MTERF3: variants seen among roughly 807,000 people sequenced by gnomAD.
The protein encoded by MTERF3 is mitochondrial transcription termination factor 3.
In MTERF3, 40 loss-of-function variants were observed where a neutral mutation model predicts 40.5. That is an observed-to-expected ratio of 0.99 (90% confidence interval 0.77 to 1.29). The LOEUF (loss-of-function observed/expected upper bound fraction) is 1.29, where lower values mean the gene tolerates loss of function less well. Among genes scored for constraint, MTERF3 ranks in the 50% most tolerant of loss-of-function variants. The probability of loss-of-function intolerance (pLI) is 0.00; values close to 1 mark genes in which losing one functional copy is unlikely to be tolerated. For missense variants in MTERF3, 452 were observed against 478.2 expected (o/e 0.95, Z 0.51); for synonymous variants, 158 against 166.6 (o/e 0.95, Z 0.40).
At chr8:96,249,701 A>C (rs1810088495) in intron 4 of MTERF3, among the ~76,000 whole-genome samples, 1 of 152,220 alleles carries the variant, frequency 6.6e-6, no homozygotes, top group Non-Finnish European at 1.5e-5. Flanking sequence ...GAGGGTCATG[A>C]CTAGAGGCAG....
chr8:96,250,688 AGGAGGAGGGG>A (rs1810159641), intron 4 of MTERF3, among the ~76,000 whole-genome samples: 2 of 28,726 alleles, frequency 7.0e-5, no homozygotes, highest in African/African-American at 3.4e-4. Flanking sequence ...AAGAAGGAGG[AGGAGGAGGGG>A]GGGAGGGGGA....
intron 5 of MTERF3, 100 bp from the exon 6 acceptor site, chr8:96,246,031 T>A: frequency 9.0e-7 from 1 of 1,106,460 alleles, no homozygotes; most frequent in South Asian, 1.5e-5. Flanking sequence ...AAACTTAAAA[T>A]ATGACCCAAT....
chr8:96,240,631 A>C (rs548227333), intron 7 of MTERF3, among the ~76,000 whole-genome samples: 1 of 152,312 alleles, frequency 6.6e-6, no homozygotes, highest in Admixed American at 6.5e-5. Flanking sequence ...ACAGCCAGCT[A>C]CAGAAAGAAG....
chr8:96,257,773 T>C (rs1810307125), intron 2 of MTERF3, among the ~76,000 whole-genome samples: 2 of 152,198 alleles, frequency 1.3e-5, no homozygotes, highest in South Asian at 4.1e-4. Context: ...TCATTAACTA[T>C]CCTTTCTCAT....
At chr8:96,240,103 C>CCAGG in intron 7 of MTERF3, among the ~76,000 whole-genome samples, 2 of 152,170 alleles carry the variant, frequency 1.3e-5, no homozygotes, top group Non-Finnish European at 2.9e-5. Flanking sequence ...CAAAAATTAG[C>CCAGG]TGGGCGTGGT....
intron 7 of MTERF3, among the ~76,000 whole-genome samples, chr8:96,243,485 T>C (rs1253995725): frequency 2.6e-5 from 4 of 152,202 alleles, no homozygotes; most frequent in African/African-American, 7.2e-5. Flanking sequence ...AGGTAAAGAA[T>C]ATGGAAGCTT....
intron 2 of MTERF3, chr8:96,258,079 C>A (rs999796040): frequency 8.3e-6 from 2 of 239,982 alleles, no homozygotes; most frequent in African/African-American, 4.7e-5. Context: ...CTAATTACCA[C>A]TAGAAGAATT....
intron 3 of MTERF3, among the ~76,000 whole-genome samples, chr8:96,254,062 G>A (rs1810237701): frequency 1.3e-5 from 2 of 152,138 alleles, no homozygotes; most frequent in South Asian, 2.1e-4. Context: ...ATCATCCATA[G>A]CACCTGCCAT....
chr8:96,246,592 C>T, intron 4 of MTERF3, 138 bp from the exon 5 acceptor site: 1 of 675,966 alleles, frequency 1.5e-6, no homozygotes, highest in East Asian at 3.2e-5. Context: ...TAAATAAAAG[C>T]ATTCTGTAAC....
intron 3 of MTERF3, among the ~76,000 whole-genome samples, chr8:96,253,770 C>T (rs1462074081): frequency 6.6e-6 from 1 of 151,510 alleles, no homozygotes; most frequent in African/African-American, 2.4e-5. Context: ...CTTTGGAAAG[C>T]CGAGGTGGGA....
intron 4 of MTERF3, among the ~76,000 whole-genome samples, chr8:96,250,485 C>G (rs188234992): frequency 6.9e-6 from 1 of 144,870 alleles, no homozygotes; most frequent in Admixed American, 6.9e-5. Context: ...CCAAGATGGG[C>G]AGATCACTTG....
chr8:96,249,227 T>G (rs1277793670), intron 4 of MTERF3, among the ~76,000 whole-genome samples: 1 of 152,184 alleles, frequency 6.6e-6, no homozygotes, highest in Non-Finnish European at 1.5e-5. Flanking sequence ...GTGTGTAATC[T>G]TGGGCAAATT....
intron 7 of MTERF3, 120 bp downstream of exon 7, chr8:96,243,799 T>C: frequency 9.4e-7 from 1 of 1,062,330 alleles, no homozygotes; most frequent in Non-Finnish European, 1.4e-6. Flanking sequence ...CCTCAGGAGA[T>C]GGACATTTGC....
Position 96,258,795 on chromosome 8 carries a change from T to C in MTERF3, c.-10-95A>G, listed in dbSNP as rs180856830. 2.6e-4 allele frequency: 259 copies of C among 978,976 alleles called. No homozygotes were observed. The East Asian group carries it at 3.9e-3, about 15-fold the overall frequency. The allele number at this position is 978,976 out of a possible 1,614,324, so 60.6% of individuals were successfully genotyped here. ...AAACAACAAAAAGATAAACTGGAAATTATTTTTTTCTAATTGAAAGGTGTT... is the reference window on the plus strand; with the variant it reads ...AAACAACAAAAAGATAAACTGGAAACTATTTTTTTCTAATTGAAAGGTGTT... On this transcript the variant is annotated intron_variant, in intron 1 of 7. Coordinates refer to ENST00000287025, the MANE Select transcript of MTERF3 (RefSeq NM_015942.5).
intron 7 of MTERF3, 117 bp from the exon 8 acceptor site, chr8:96,239,802 C>T: frequency 1.3e-6 from 1 of 743,072 alleles, no homozygotes; most frequent in South Asian, 1.5e-5. Context: ...ACCATGTGTT[C>T]AGTAAGTAGG....
chr8:96,248,659 A>G (rs1810066025), intron 4 of MTERF3, among the ~76,000 whole-genome samples: 1 of 152,184 alleles, frequency 6.6e-6, no homozygotes, highest in Non-Finnish European at 1.5e-5. Context: ...AAAATTATCA[A>G]AACTATTGTC....
rs185191767 is a variant in MTERF3 at position 96,256,914 on chromosome 8, G to T, written c.487+48C>A. On this transcript the variant is annotated intron_variant, in intron 3 of 7. Coordinates refer to ENST00000287025, the MANE Select transcript of MTERF3 (RefSeq NM_015942.5). ...TTGTTAATTTAAAAAAGTAAAAAAA[G>T]TAATGAAGAGTACATGCAAAAAGTA... is the stretch of plus-strand genomic sequence containing the variant. 143 of 1,519,526 alleles carry T rather than the reference G, an allele frequency of 9.4e-5. No homozygotes were observed. In the African/African-American group the frequency reaches 1.8e-3, roughly 19 times the overall value. 94.1% of individuals were successfully genotyped at this position (1,519,526 alleles called of 1,614,324 possible). A position where few individuals can be genotyped will look rare whatever the true frequency, so the allele number is the denominator to read the frequency against.
chr8:96,239,530 T>A lies in MTERF3; in HGVS notation c.1215A>T (p.Ala405=), dbSNP rs556729592. Reference sequence around the variant, plus strand: ...AGAATTTTTCAAAGTCCTGTACTGATGCTTTGGCAATCTCTTCACAAAATA... The same window carrying A: ...AGAATTTTTCAAAGTCCTGTACTGAAGCTTTGGCAATCTCTTCACAAAATA... The part of the protein sequence containing the change: ...DEIFCEEIAK[A]SVQDFEKFLK... Residue 405 remains alanine, a synonymous_variant, in exon 8 of 8, where the codon GCA becomes GCT. Coordinates refer to ENST00000287025, the MANE Select transcript of MTERF3 (RefSeq NM_015942.5). 1.2e-6 allele frequency: 2 copies of A among 1,610,136 alleles called. No homozygotes were observed. The highest frequency in any genetic ancestry group is 4.5e-5 in the East Asian group (2 of 44,798).
chr8:96,249,088 CT>C (rs1193112089), intron 4 of MTERF3, among the ~76,000 whole-genome samples: 7 of 152,272 alleles, frequency 4.6e-5, no homozygotes, highest in Admixed American at 4.6e-4. Flanking sequence ...GCATATATGG[CT>C]TGAGCAAGTA....
Sources: gnomAD v4.1 joint callset for allele counts (sites outside exome capture counted in the v4.1 genomes callset) on GRCh38, gnomAD v4.1.1 for gene constraint, MANE v1.5 for transcripts, NCBI Gene and HGNC (gene_info 2026-07-23, HGNC 2026-07-21) for gene names.